CDK14: variants seen among roughly 807,000 people sequenced by gnomAD.
CDK14 encodes cyclin-dependent kinase 14.
A neutral mutation model predicts 60.7 loss-of-function variants in CDK14; 34 were observed. The observed-to-expected ratio is 0.56, with a 90% CI of 0.43 to 0.75. The LOEUF is 0.75. Among genes scored for constraint, CDK14 ranks in the 30% least tolerant of loss-of-function variants. CDK14 has a pLI of 0.00. For synonymous variants in CDK14, 197 were observed against 203.7 expected, an observed-to-expected ratio of 0.97 and a Z score of 0.28; for missense variants, 482 against 564.1, an observed-to-expected ratio of 0.85 and a Z score of 1.47.
chr7:91,083,187 ACTT>A (rs540677485), intron 12 of CDK14, among the ~76,000 whole-genome samples: 5 of 151,734 alleles, frequency 3.3e-5, no homozygotes, highest in Non-Finnish European at 5.9e-5. Context: ...GTGCCTGGAG[ACTT>A]CTTCTTGTAA....
At chr7:90,705,480 T>C (rs1467493658) in intron 2 of CDK14, among the ~76,000 whole-genome samples, 1 of 151,966 alleles carries the variant, frequency 6.6e-6, no homozygotes, top group Non-Finnish European at 1.5e-5. Context: ...TGGCAGCCTC[T>C]TGTGTCTGAG....
chr7:91,009,572 T>C (rs531013820), intron 10 of CDK14, among the ~76,000 whole-genome samples: 2 of 152,318 alleles, frequency 1.3e-5, no homozygotes, highest in African/African-American at 2.4e-5. Flanking sequence ...GTGGTTTTAA[T>C]TTGCATTTCT....
At chr7:90,739,393 T>A (rs1378198788) in intron 3 of CDK14, among the ~76,000 whole-genome samples, 8 of 152,218 alleles carry the variant, frequency 5.3e-5, no homozygotes, top group Admixed American at 3.3e-4. Flanking sequence ...TTCTTGTGAA[T>A]GAATGGAGAT....
Position 90,968,172 on chromosome 7 carries a change from A to G in CDK14, c.947+12355A>G, listed in dbSNP as rs76126433. ...TGGCTTTCTTAATTTTAGATGCTAT[A>G]TTATGTAATTGGTAAACTTAGATGT... On this transcript the variant is annotated intron_variant, in intron 9 of 14. Transcript: ENST00000380050. Among the ~76,000 whole-genome samples the G allele has an allele frequency of 3.3e-4, 50 of 152,310 alleles. No homozygotes were observed. The East Asian group carries it at 9.4e-3, about 29-fold the overall frequency.
At chr7:90,622,087 T>C (rs1027226050) in intron 2 of CDK14, among the ~76,000 whole-genome samples, 9 of 152,276 alleles carry the variant, frequency 5.9e-5, no homozygotes, top group African/African-American at 1.7e-4. Context: ...AGCCTTAGGC[T>C]GTGGGACTAA....
intron 5 of CDK14, among the ~76,000 whole-genome samples, chr7:90,847,487 A>G (rs1217258692): frequency 6.6e-6 from 1 of 152,090 alleles, no homozygotes; most frequent in Non-Finnish European, 1.5e-5. Flanking sequence ...CCACCAATCT[A>G]CCCATACTTT....
intron 13 of CDK14, among the ~76,000 whole-genome samples, chr7:91,116,995 C>T (rs1289112829): frequency 6.6e-6 from 1 of 150,382 alleles, no homozygotes; most frequent in African/African-American, 2.5e-5. Flanking sequence ...CATCTATACA[C>T]TGGCAGTTTT....
chr7:90,811,564 C>G (rs1353723477), intron 5 of CDK14, among the ~76,000 whole-genome samples: 1 of 151,924 alleles, frequency 6.6e-6, no homozygotes, highest in Non-Finnish European at 1.5e-5. Flanking sequence ...TGGGCAAGGA[C>G]TTCATGTCTA....
intron 3 of CDK14, among the ~76,000 whole-genome samples, chr7:90,729,511 A>T (rs1802778270): frequency 6.6e-6 from 1 of 151,324 alleles, no homozygotes; most frequent in South Asian, 2.1e-4. Context: ...TTTTAGTATG[A>T]ATTGGTAAGG....
chr7:90,763,202 A>G (rs879431723), intron 4 of CDK14, among the ~76,000 whole-genome samples: 7 of 152,212 alleles, frequency 4.6e-5, no homozygotes, highest in African/African-American at 9.6e-5. Flanking sequence ...CAAATCCACT[A>G]TGGTGGTTGT....
intron 12 of CDK14, among the ~76,000 whole-genome samples, chr7:91,091,479 A>C (rs1421908535): frequency 8.0e-6 from 1 of 125,364 alleles, no homozygotes; most frequent in South Asian, 2.3e-4. Flanking sequence ...ATATACATAT[A>C]TGTATATGTA....
intron 6 of CDK14, among the ~76,000 whole-genome samples, chr7:90,889,856 G>T (rs1035362486): frequency 2.6e-5 from 4 of 152,126 alleles, no homozygotes; most frequent in Admixed American, 2.0e-4. Flanking sequence ...AGACCATATT[G>T]TCTCTATCAT....
intron 2 of CDK14, among the ~76,000 whole-genome samples, chr7:90,617,439 T>C (rs1799677338): frequency 6.6e-6 from 1 of 152,134 alleles, no homozygotes; most frequent in Non-Finnish European, 1.5e-5. Context: ...ATTTTGGTAG[T>C]AATTCTAGCA....
intron 9 of CDK14, among the ~76,000 whole-genome samples, chr7:90,960,268 A>G (rs1054781224): frequency 1.3e-5 from 2 of 152,184 alleles, no homozygotes; most frequent in African/African-American, 4.8e-5. Flanking sequence ...TGGGTAAAAT[A>G]TATAGTAGCA....
intron 5 of CDK14, among the ~76,000 whole-genome samples, chr7:90,839,728 G>A (rs543938177): frequency 6.6e-6 from 1 of 152,108 alleles, no homozygotes; most frequent in Non-Finnish European, 1.5e-5. Context: ...ATAAACTATT[G>A]GTTTTAATGA....
chr7:90,760,901 A>G (rs1050409222), intron 4 of CDK14, among the ~76,000 whole-genome samples: 1 of 152,206 alleles, frequency 6.6e-6, no homozygotes, highest in African/African-American at 2.4e-5. Context: ...CAAGGAGGAT[A>G]ATAGCCCACC....
intron 14 of CDK14, among the ~76,000 whole-genome samples, chr7:91,129,288 A>G (rs1289189614): frequency 2.0e-5 from 3 of 152,226 alleles, no homozygotes; most frequent in African/African-American, 7.2e-5. Flanking sequence ...GTGACACTCT[A>G]AACTGTATTC....
intron 11 of CDK14, among the ~76,000 whole-genome samples, chr7:91,054,474 A>G (rs181365421): frequency 7.2e-5 from 11 of 152,300 alleles, no homozygotes; most frequent in Admixed American, 5.2e-4. Context: ...CCAGTTAATT[A>G]CTAAATTTAT....
intron 2 of CDK14, among the ~76,000 whole-genome samples, chr7:90,682,572 CCT>C (rs1328266059): frequency 6.6e-6 from 1 of 152,118 alleles, no homozygotes; most frequent in Non-Finnish European, 1.5e-5. Context: ...TATGTTTATA[CCT>C]ATTCAGCATA....
Sources: gnomAD v4.1 joint callset for allele counts (sites outside exome capture counted in the v4.1 genomes callset) on GRCh38, gnomAD v4.1.1 for gene constraint, MANE v1.5 for transcripts, NCBI Gene and HGNC (gene_info 2026-07-23, HGNC 2026-07-21) for gene names.